The following NKD1 variants were observed in gnomAD, a reference collection of about 807,000 sequenced individuals.
NKD1 encodes the protein NKD inhibitor of Wnt signaling pathway 1, also known as protein naked cuticle homolog 1.
Under a neutral mutation model 56.0 loss-of-function variants are expected in NKD1, and 21 were observed. The ratio of observed to expected loss-of-function variants is 0.38; its 90% CI spans 0.27 to 0.54. The LOEUF is 0.54. Ranked by LOEUF, NKD1 falls within the 20% of genes least tolerant of loss-of-function variation. NKD1 has a pLI of 0.82. For synonymous variants in NKD1, 263 were observed against 265.7 expected (o/e 0.99, Z 0.10); for missense variants, 578 against 642.7 (o/e 0.90, Z 1.09).
chr16:50,593,726 A>G (rs1961417694), intron 3 of NKD1, among the ~76,000 whole-genome samples: 1 of 152,188 alleles, frequency 6.6e-6, no homozygotes, highest in South Asian at 2.1e-4. Context: ...TAGGACACAC[A>G]GTTAAATTTG....
At chr16:50,595,253 T>G (rs1961449334) in intron 3 of NKD1, among the ~76,000 whole-genome samples, 1 of 152,194 alleles carries the variant, frequency 6.6e-6, no homozygotes, top group South Asian at 2.1e-4. Flanking sequence ...TGTCCCTTTT[T>G]GAGCCCTTAG....
At chr16:50,624,757 G>A (rs1451666433) in intron 5 of NKD1, among the ~76,000 whole-genome samples, 6 of 152,198 alleles carry the variant, frequency 3.9e-5, no homozygotes, top group Non-Finnish European at 5.9e-5. Context: ...GAGGCCTGGC[G>A]TTTCCACTGC....
At chr16:50,616,656 G>A (rs947389221) in intron 4 of NKD1, among the ~76,000 whole-genome samples, 2 of 152,254 alleles carry the variant, frequency 1.3e-5, no homozygotes, top group South Asian at 2.1e-4. Context: ...CAAGAAACTT[G>A]CTTTCTGGCT....
At position 50,632,505 on chromosome 16, in the gene NKD1, C is replaced by CTTCG; in HGVS notation, c.823+98_823+101dup. 1 of 1,212,028 alleles carries CTTCG rather than the reference C, an allele frequency of 8.3e-7. No homozygotes were observed. The highest frequency in any genetic ancestry group is 1.2e-6 in the Non-Finnish European group (1 of 834,726). 75.1% of individuals were successfully genotyped at this position (1,212,028 alleles called of 1,614,324 possible). ...GGGTGGTGTTCACTGCTACCCCAGG[C>CTTCG]TTCGGTAAGACAACTATTATGGGAC... is the stretch of plus-strand genomic sequence containing the variant. On this transcript the variant is annotated intron_variant, in intron 9 of 9. Coordinates refer to ENST00000268459, the MANE Select transcript of NKD1 (RefSeq NM_033119.5). The surrounding 1 kb of genome is among the most constrained non-coding windows in gnomAD (Gnocchi z 4.1).
At position 50,625,621 on chromosome 16, in the gene NKD1, G is replaced by A. The variant is rs74017751; in HGVS notation, c.462+41G>A. 1,553 of 1,278,270 alleles carry A rather than the reference G, an allele frequency of 1.2e-3. 8 individuals are homozygous for A. In the African/African-American group the frequency reaches 0.019, roughly 16 times the overall value. The allele number at this position is 1,278,270 out of a possible 1,614,324, so 79.2% of individuals were successfully genotyped here. On this transcript the variant is annotated intron_variant, in intron 6 of 9. Coordinates refer to ENST00000268459, the MANE Select transcript of NKD1 (RefSeq NM_033119.5). ...TGGCCTCTTGCCGTGTATCATACCCGCAGGCACAGGGCCTGGGCACAGCAC... is the reference window on the plus strand; with the variant it reads ...TGGCCTCTTGCCGTGTATCATACCCACAGGCACAGGGCCTGGGCACAGCAC...
At chr16:50,586,476 T>C (rs1297545538) in intron 3 of NKD1, among the ~76,000 whole-genome samples, 1 of 151,776 alleles carries the variant, frequency 6.6e-6, no homozygotes, top group Non-Finnish European at 1.5e-5. Context: ...GTGAGCCACG[T>C]GTCTGCAGTC....
chr16:50,621,500 C>T (rs1329617896), intron 4 of NKD1, 102 bp from the exon 5 acceptor site: 10 of 771,932 alleles, frequency 1.3e-5, no homozygotes, highest in South Asian at 7.1e-5. Context: ...AGCCCCCTGG[C>T]GAGAATGTCC....
At chr16:50,610,468 C>T (rs957686712) in intron 4 of NKD1, among the ~76,000 whole-genome samples, 2 of 152,188 alleles carry the variant, frequency 1.3e-5, no homozygotes, top group Non-Finnish European at 2.9e-5. Flanking sequence ...CACCGCGTGG[C>T]CAGGTCTGGT....
intron 3 of NKD1, among the ~76,000 whole-genome samples, chr16:50,562,625 TG>T (rs1333314770): frequency 6.6e-6 from 1 of 152,090 alleles, no homozygotes; most frequent in Non-Finnish European, 1.5e-5. Flanking sequence ...CTGAATCTCT[TG>T]GGTGCTATTC....
intron 3 of NKD1, chr16:50,574,142 T>G: frequency 1.1e-6 from 1 of 921,796 alleles, no homozygotes; most frequent in Non-Finnish European, 1.3e-6. Flanking sequence ...GTGATAGAAC[T>G]TGATGCTGGA....
intron 4 of NKD1, among the ~76,000 whole-genome samples, chr16:50,612,735 G>A (rs1961874029): frequency 6.6e-6 from 1 of 152,152 alleles, no homozygotes; most frequent in Non-Finnish European, 1.5e-5. Context: ...GGAACTTGGT[G>A]TTTGGGGAAG....
chr16:50,587,814 GCAGTGGTATTAGATTCT>G (rs1309439504), intron 3 of NKD1, among the ~76,000 whole-genome samples: 1 of 152,226 alleles, frequency 6.6e-6, no homozygotes, highest in African/African-American at 2.4e-5. Context: ...GTCAAAATCA[GCAGTGGTATTAGATTCT>G]CACAGAAGTG....
At chr16:50,597,439 A>T (rs528184916) in intron 3 of NKD1, among the ~76,000 whole-genome samples, 1 of 152,296 alleles carries the variant, frequency 6.6e-6, no homozygotes, top group East Asian at 1.9e-4. Flanking sequence ...AAAAGTTATT[A>T]TTATTTTTTT....
chr16:50,573,560 T>C (rs1286964048), intron 3 of NKD1, among the ~76,000 whole-genome samples: 1 of 152,248 alleles, frequency 6.6e-6, no homozygotes, highest in Non-Finnish European at 1.5e-5. Flanking sequence ...TTCTGGGTTC[T>C]GCATCTTGGC....
chr16:50,617,857 G>C (rs888609253), intron 4 of NKD1, among the ~76,000 whole-genome samples: 2 of 152,226 alleles, frequency 1.3e-5, no homozygotes, highest in African/African-American at 4.8e-5. Flanking sequence ...ACATATCCTG[G>C]TGGAAGTAGA....
intron 4 of NKD1, among the ~76,000 whole-genome samples, chr16:50,610,890 C>T (rs1191124834): frequency 1.3e-5 from 2 of 152,196 alleles, no homozygotes; most frequent in African/African-American, 4.8e-5. Flanking sequence ...TCAAAAGTCT[C>T]AAGCTCTGAG....
At chr16:50,574,252 C>T (rs1960945024) in intron 3 of NKD1, 1 of 985,216 alleles carries the variant, frequency 1.0e-6, no homozygotes, top group Admixed American at 6.1e-5. Flanking sequence ...CTTGTCTTGC[C>T]CAACCTCCTA....
At chr16:50,622,258 G>A (rs550964522) in intron 5 of NKD1, among the ~76,000 whole-genome samples, 42 of 152,296 alleles carry the variant, frequency 2.8e-4, no homozygotes, top group African/African-American at 1.0e-3. Flanking sequence ...GGCTCTGAGC[G>A]TAGGGGTAGG....
intron 4 of NKD1, among the ~76,000 whole-genome samples, chr16:50,614,742 G>A (rs1327492466): frequency 6.6e-6 from 1 of 152,104 alleles, no homozygotes; most frequent in Non-Finnish European, 1.5e-5. Context: ...ATTTCCCCTA[G>A]TATCACCTCA....
Sources: allele counts gnomAD v4.1 joint callset (sites outside exome capture counted in the v4.1 genomes callset), GRCh38; gene constraint gnomAD v4.1.1; non-coding constraint Gnocchi (gnomAD v3.1); transcripts MANE v1.5; gene names NCBI Gene and HGNC (gene_info 2026-07-23, HGNC 2026-07-21).